Variants in RGMA observed in about 807,000 individuals in gnomAD.
RGMA encodes the protein repulsive guidance molecule BMP co-receptor a, also known as repulsive guidance molecule A.
RGMA carries 10 observed loss-of-function variants against 23.2 expected under a neutral mutation model. The ratio of observed to expected loss-of-function variants is 0.43; its 90% CI spans 0.27 to 0.73. RGMA has a LOEUF of 0.73. Among genes scored for constraint, RGMA ranks in the 30% least tolerant of loss-of-function variants. RGMA has a pLI of 0.20. For missense variants in RGMA, 547 were observed against 630.5 expected (o/e 0.87, Z 1.42); for synonymous variants, 308 against 279.3 (o/e 1.10, Z -1.03).
intron 2 of RGMA, among the ~76,000 whole-genome samples, chr15:93,071,819 T>C (rs577346819): frequency 2.6e-5 from 4 of 152,330 alleles, no homozygotes; most frequent in African/African-American, 9.6e-5. Flanking sequence ...GCGCGGGGGC[T>C]GCGGCTCTAC....
chr15:93,066,429 C>T (rs1041827439), intron 2 of RGMA: 8 of 637,564 alleles, frequency 1.3e-5, no homozygotes, highest in East Asian at 3.7e-5. Flanking sequence ...AGGCCGCCGT[C>T]GTTGCCAGGG....
At chr15:93,052,783 G>A (rs2054949384) in intron 2 of RGMA, among the ~76,000 whole-genome samples, 1 of 152,242 alleles carries the variant, frequency 6.6e-6, no homozygotes, top group Non-Finnish European at 1.5e-5. Context: ...AGTGGTCACT[G>A]TTTGGGGGCA....
At chr15:93,085,210 A>G (rs1207565034) in intron 1 of RGMA, among the ~76,000 whole-genome samples, 2 of 152,094 alleles carry the variant, frequency 1.3e-5, no homozygotes, top group African/African-American at 2.4e-5. Flanking sequence ...TGATCTTAAG[A>G]GTCCATGAAG....
intron 2 of RGMA, among the ~76,000 whole-genome samples, chr15:93,055,008 G>A (rs948173337): frequency 2.0e-5 from 3 of 152,172 alleles, no homozygotes; most frequent in South Asian, 2.1e-4. Context: ...CAGAACAAGC[G>A]TTTGGAGGGA....
intron 1 of RGMA, among the ~76,000 whole-genome samples, chr15:93,077,856 C>T (rs111370886): frequency 3.9e-5 from 6 of 152,298 alleles, no homozygotes; most frequent in African/African-American, 7.2e-5. Flanking sequence ...TACAGGCACA[C>T]GCCACCACAC....
chr15:93,074,615 A>T (rs1290908302), intron 1 of RGMA, among the ~76,000 whole-genome samples: 3 of 152,208 alleles, frequency 2.0e-5, no homozygotes, highest in Non-Finnish European at 4.4e-5. Context: ...GACAAGCTCT[A>T]AATATTTTTC....
chr15:93,059,275 G>A (rs985470896), intron 2 of RGMA, among the ~76,000 whole-genome samples: 2 of 152,110 alleles, frequency 1.3e-5, no homozygotes, highest in Non-Finnish European at 2.9e-5. Context: ...CTGGTCTCAG[G>A]GCAGTAACCA....
chr15:93,065,638 A>AG, intron 2 of RGMA: 2 of 915,920 alleles, frequency 2.2e-6, no homozygotes, highest in Non-Finnish European at 3.5e-6. Flanking sequence ...CTGAGGTCTC[A>AG]GGGGCTGCGG....
chr15:93,081,557 G>A (rs189636749), intron 1 of RGMA, among the ~76,000 whole-genome samples: 39 of 152,276 alleles, frequency 2.6e-4, no homozygotes, highest in Admixed American at 7.2e-4. Context: ...ACCACACAGC[G>A]CTTATGTCTC....
At chr15:93,072,511 C>G (rs1050453820) in intron 2 of RGMA, among the ~76,000 whole-genome samples, 1 of 152,122 alleles carries the variant, frequency 6.6e-6, no homozygotes, top group Non-Finnish European at 1.5e-5. Context: ...CACCCCTGGG[C>G]ACCCGGCAGG....
chr15:93,048,210 T>C (rs2054858266), intron 3 of RGMA, among the ~76,000 whole-genome samples: 1 of 152,032 alleles, frequency 6.6e-6, no homozygotes, highest in African/African-American at 2.4e-5. Flanking sequence ...TGGCATAAGA[T>C]TTCGGGATGA....
chr15:93,087,399 C>T (rs777070530), intron 1 of RGMA, among the ~76,000 whole-genome samples: 1 of 127,780 alleles, frequency 7.8e-6, no homozygotes, highest in Non-Finnish European at 1.6e-5. Flanking sequence ...GAGATCATGT[C>T]CCTGTAAAGG....
rs770231480 is a variant in RGMA, at chr15:93,045,304, G to A, written c.1047C>T (p.Pro349=). 4.3e-6 allele frequency: 7 copies of A among 1,612,422 alleles called. No individual in the cohort carries two copies. Among genetic ancestry groups the A allele is most frequent in the Middle Eastern group, 1.6e-4 (1 of 6,082 alleles). Residue 349 remains proline, a synonymous_variant, in exon 4 of 4, where the codon CCC becomes CCT. Coordinates refer to ENST00000329082, the MANE Select transcript of RGMA (RefSeq NM_020211.3). The surrounding 1 kb of genome is among the most constrained non-coding windows in gnomAD (Gnocchi z 6.9). ...CGTATGGGAAGGTCTCGGGGGCTGT[G>A]GGTGCAGGGCTGGCGGCTGCCAGCC... ...ARRLAAASPA[P]TAPETFPYET...
In RGMA at chr15:93,052,251, G is replaced by A. The variant is rs775162766; in HGVS notation, c.387C>T (p.Leu129=). The A allele has an allele frequency of 6.2e-7, 1 of 1,605,838 alleles. No homozygotes were observed. The highest frequency in any genetic ancestry group is 8.5e-7 in the Non-Finnish European group (1 of 1,175,194). ...GCTCCTGGCTGTCTCCGGCCGGTGGGAGCGTGCGCAGGCGTGGCTGCGAGG... is the reference window on the plus strand; with the variant it reads ...GCTCCTGGCTGTCTCCGGCCGGTGGAAGCGTGCGCAGGCGTGGCTGCGAGG... ...GPTSQPRLRT[L]PPAGDSQERS... Residue 129 remains leucine, a synonymous_variant, in exon 3 of 4, where the codon CTC becomes CTT. Coordinates refer to ENST00000329082, the MANE Select transcript of RGMA (RefSeq NM_020211.3).
chr15:93,063,973 T>A (rs1895056288), intron 2 of RGMA, among the ~76,000 whole-genome samples: 1 of 152,156 alleles, frequency 6.6e-6, no homozygotes, highest in Non-Finnish European at 1.5e-5. Flanking sequence ...AGGGCTGCTT[T>A]GCCCCAGCCT....
Position 93,059,890 on chromosome 15 carries a change from T to C in RGMA, c.131-7383A>G, listed in dbSNP as rs1425000716. On this transcript the variant is annotated intron_variant, in intron 2 of 3. Coordinates refer to ENST00000329082, the MANE Select transcript of RGMA (RefSeq NM_020211.3). The stretch of plus-strand genomic sequence containing the variant: ...GGCAATAAACCTTAGACTTTTCTGA[T>C]GCGAACGTCCATGGAAAGAAGGAAG... Among the ~76,000 whole-genome samples the C allele has an allele frequency of 3.3e-5, 5 of 152,308 alleles. No individual in the cohort carries two copies. The East Asian group carries it at 9.6e-4, about 29-fold the overall frequency.
chr15:93,088,700 T>G, intron 1 of RGMA: 7 of 753,656 alleles, frequency 9.3e-6, no homozygotes, highest in South Asian at 2.3e-5. Flanking sequence ...CGGGGGAGAG[T>G]ATTTTAGGAA....
chr15:93,081,132 C>T (rs1895553035), intron 1 of RGMA, among the ~76,000 whole-genome samples: 1 of 152,164 alleles, frequency 6.6e-6, no homozygotes, highest in Non-Finnish European at 1.5e-5. Flanking sequence ...CTGTGTGGCA[C>T]CACGCCCTGT....
intron 3 of RGMA, among the ~76,000 whole-genome samples, chr15:93,050,189 G>A (rs943341185): frequency 3.9e-5 from 6 of 152,186 alleles, no homozygotes; most frequent in Non-Finnish European, 5.9e-5. Flanking sequence ...TAGCCTGGGA[G>A]CTTCTGGGAG....
Sources: gnomAD v4.1 joint callset for allele counts (sites outside exome capture counted in the v4.1 genomes callset) on GRCh38, gnomAD v4.1.1 for gene constraint, Gnocchi (gnomAD v3.1) non-coding constraint, MANE v1.5 for transcripts, NCBI Gene and HGNC (gene_info 2026-07-23, HGNC 2026-07-21) for gene names.